Variants in RC3H1 observed in about 807,000 individuals in gnomAD.
The protein encoded by RC3H1 is ring finger and CCCH-type domains 1, also known as roquin-1.
In RC3H1, 50 loss-of-function variants were observed where a neutral mutation model predicts 138.2. The observed-to-expected ratio is 0.36, with a 90% CI of 0.29 to 0.46. RC3H1 has a LOEUF of 0.46. Ranked by LOEUF, RC3H1 falls within the 20% of genes least tolerant of loss-of-function variation. RC3H1 has a pLI of 1.00. For synonymous variants in RC3H1, 462 were observed against 489.1 expected, an observed-to-expected ratio of 0.94 and a Z score of 0.73; for missense variants, 1,031 against 1,388.1, an observed-to-expected ratio of 0.74 and a Z score of 4.09.
At chr1:173,961,046 G>C (rs745309947) in intron 13 of RC3H1, 31 bp downstream of exon 13, 1 of 1,601,134 alleles carries the variant, frequency 6.2e-7, no homozygotes, top group African/African-American at 1.3e-5. Context: ...AAAAAAACAC[G>C]GATAAATGAG....
intron 9 of RC3H1, among the ~76,000 whole-genome samples, chr1:173,967,546 A>C (rs1377948740): frequency 1.3e-5 from 2 of 152,210 alleles, no homozygotes; most frequent in African/African-American, 4.8e-5. Flanking sequence ...CAAAAATACT[A>C]AGTTGCTTTA....
intron 18 of RC3H1, among the ~76,000 whole-genome samples, chr1:173,942,414 CAG>C (rs1443694892): frequency 1.2e-5 from 1 of 86,912 alleles, no homozygotes; most frequent in African/African-American, 8.5e-5. Context: ...CCCTGGGTGA[CAG>C]AGACTCAGTC....
intron 13 of RC3H1, among the ~76,000 whole-genome samples, chr1:173,960,083 G>A (rs923095509): frequency 1.4e-5 from 2 of 144,012 alleles, no homozygotes; most frequent in African/African-American, 5.4e-5. Flanking sequence ...ACTCTGGCCT[G>A]GGCAACAGAA....
chr1:174,000,121 G>C (rs1488871967), intron 1 of RC3H1, among the ~76,000 whole-genome samples: 2 of 152,154 alleles, frequency 1.3e-5, no homozygotes, highest in African/African-American at 2.4e-5. Context: ...GAATTCTATG[G>C]TATGTAAATT....
At chr1:173,969,193 CATTTTTTGG>C (rs1459035348) in intron 9 of RC3H1, 1 of 151,542 alleles carries the variant, frequency 6.6e-6, no homozygotes, top group Non-Finnish European at 1.5e-5. Flanking sequence ...AGGCCTTTGG[CATTTTTTGG>C]ATATTATCAT....
chr1:173,951,202 C>G (rs2102884737), intron 14 of RC3H1, among the ~76,000 whole-genome samples: 1 of 152,086 alleles, frequency 6.6e-6, no homozygotes, highest in African/African-American at 2.4e-5. Flanking sequence ...GCGCATGCCT[C>G]TAATCCCAGC....
rs1301929877 is a variant in RC3H1 at position 173,937,319 on chromosome 1, A to C, written c.*1402T>G. On this transcript the variant is annotated 3_prime_UTR_variant, in exon 20 of 20. Coordinates refer to ENST00000367696, the MANE Select transcript of RC3H1 (RefSeq NM_172071.4). ...AAATATAAACTCTTGTTTTTACTCAACCAAAGCAATGTAGTAACTTATTAC... is the reference window on the plus strand; with the variant it reads ...AAATATAAACTCTTGTTTTTACTCACCCAAAGCAATGTAGTAACTTATTAC... 1 of 152,556 alleles carries C rather than the reference A, an allele frequency of 6.6e-6. No homozygotes were observed. The highest frequency in any genetic ancestry group is 1.5e-5 in the Non-Finnish European group (1 of 68,034). 9.5% of individuals were successfully genotyped at this position (152,556 alleles called of 1,614,324 possible). A position where few individuals can be genotyped will look rare whatever the true frequency, so the allele number is the denominator to read the frequency against.
In RC3H1 at chr1:173,964,920, G is replaced by A. The variant is rs769367900; in HGVS notation, c.1535C>T (p.Thr512Ile). ...NTVTQLIPRG[T>I]DPSYDSSLKP... is the part of the protein sequence containing the mutation. ...CAGACTAGAATCATAGCTGGGGTCT[G>A]TCCCTCGCGGAATAAGCTGTGTTAC... Residue 512 changes from threonine to isoleucine, a missense_variant, in exon 10 of 20, where the codon ACA becomes ATA. Physicochemically the swap from Thr to Ile is moderately conservative, Grantham distance 89. Coordinates refer to ENST00000367696, the MANE Select transcript of RC3H1 (RefSeq NM_172071.4). The A allele has an allele frequency of 2.9e-5, 47 of 1,613,974 alleles. No individual in the cohort carries two copies. The South Asian group carries it at 4.3e-4, about 15-fold the overall frequency.
chr1:173,945,906 A>G (rs529361017), intron 17 of RC3H1, among the ~76,000 whole-genome samples: 10 of 152,018 alleles, frequency 6.6e-5, no homozygotes, highest in African/African-American at 2.2e-4. Flanking sequence ...ACGGGGTTTC[A>G]CTATGTTGGC....
At chr1:173,954,550 T>C (rs151187514) in intron 13 of RC3H1, among the ~76,000 whole-genome samples, 1 of 152,378 alleles carries the variant, frequency 6.6e-6, no homozygotes, top group East Asian at 1.9e-4. Flanking sequence ...ATATATTTTC[T>C]AAAAACTAGA....
In RC3H1 at chr1:174,022,161, A is replaced by AGCCGCC; in HGVS notation, c.-222_-217dup. 5 of 394,766 alleles carry AGCCGCC rather than the reference A, an allele frequency of 1.3e-5. No individual in the cohort carries two copies. The highest frequency in any genetic ancestry group is 8.9e-5 in the Admixed American group (2 of 22,522). 24.5% of individuals were successfully genotyped at this position (394,766 alleles called of 1,614,324 possible). A position where few individuals can be genotyped will look rare whatever the true frequency, so the allele number is the denominator to read the frequency against. On this transcript the variant is annotated 5_prime_UTR_variant, in exon 1 of 20. Coordinates refer to ENST00000367696, the MANE Select transcript of RC3H1 (RefSeq NM_172071.4). This position sits in a 1 kb window ranked among gnomAD's most constrained non-coding sequence, Gnocchi z 4.2. ...CCGCGGCCGTCGCCACCGCCGCGGC[A>AGCCGCC]GCCGCCGCCGCCGCCGAGGCCACCG...
At chr1:173,993,341 T>C (rs1015263312) in intron 1 of RC3H1, among the ~76,000 whole-genome samples, 1 of 151,996 alleles carries the variant, frequency 6.6e-6, no homozygotes, top group Admixed American at 6.6e-5. Context: ...AGTAGTCCCC[T>C]GCCTAAGAGG....
At position 173,933,860 on chromosome 1, in the gene RC3H1, A is replaced by T. The variant is rs538532760; in HGVS notation, c.*4861T>A. The T allele has an allele frequency of 2.0e-5, 3 of 152,284 alleles. No homozygotes were observed. Among genetic ancestry groups the T allele is most frequent in the African/African-American group, 7.2e-5 (3 of 41,578 alleles). 9.4% of individuals were successfully genotyped at this position (152,284 alleles called of 1,614,324 possible). ...AGTAGGTCTAATTTTTCTTAAAAGG[A>T]TAGGCAGATTTTTCAGGGGAAGAGA... is the stretch of plus-strand genomic sequence containing the variant. On this transcript the variant is annotated 3_prime_UTR_variant, in exon 20 of 20. Transcript: ENST00000367696.
rs761237712 is a variant in RC3H1, at chr1:173,961,175, G to T, written c.2272C>A (p.Arg758=). 1.2e-6 allele frequency: 2 copies of T among 1,614,056 alleles called. No individual in the cohort carries two copies. Among genetic ancestry groups the T allele is most frequent in the South Asian group, 1.1e-5 (1 of 91,072 alleles). ...TCTAGCTGGGCCATTATTTCCTTTC[G>T]TCGGCGATGTAGTTCATCTAGACTA... ...HPSLDELHRR[R]KEIMAQLEER... Residue 758 remains arginine (R), a synonymous_variant, in exon 13 of 20, where the codon CGA becomes AGA. Transcript: ENST00000367696.
chr1:173,979,904 C>G (rs141274228), intron 6 of RC3H1, among the ~76,000 whole-genome samples: 1 of 152,010 alleles, frequency 6.6e-6, no homozygotes, highest in African/African-American at 2.4e-5. Context: ...TTTTATCCCC[C>G]CTAAAGAGAC....
chr1:174,021,200 G>T (rs894582494), intron 1 of RC3H1, among the ~76,000 whole-genome samples: 4 of 152,154 alleles, frequency 2.6e-5, no homozygotes, highest in Non-Finnish European at 5.9e-5. Context: ...TATACTGCAT[G>T]TTAGTAATTC....
chr1:173,990,643 G>A (rs1012959766), intron 2 of RC3H1, among the ~76,000 whole-genome samples: 5 of 151,292 alleles, frequency 3.3e-5, no homozygotes, highest in Non-Finnish European at 7.4e-5. Context: ...TGCGATCTCG[G>A]CTCACTGCAA....
chr1:174,013,354 A>G (rs1661804650), intron 1 of RC3H1, among the ~76,000 whole-genome samples: 1 of 152,082 alleles, frequency 6.6e-6, no homozygotes, highest in African/African-American at 2.4e-5. Flanking sequence ...ACATGTGGCT[A>G]TTGAGCCCTT....
intron 1 of RC3H1, among the ~76,000 whole-genome samples, chr1:174,014,775 C>T (rs1165994561): frequency 1.3e-5 from 2 of 152,050 alleles, no homozygotes; most frequent in Non-Finnish European, 2.9e-5. Context: ...AATTATAATG[C>T]TTAAGTCATA....
Sources: gnomAD v4.1 joint callset for allele counts (sites outside exome capture counted in the v4.1 genomes callset) on GRCh38, gnomAD v4.1.1 for gene constraint, Gnocchi (gnomAD v3.1) non-coding constraint, MANE v1.5 for transcripts, NCBI Gene and HGNC (gene_info 2026-07-23, HGNC 2026-07-21) for gene names.